The following CRPPA variants were observed in gnomAD, a reference collection of about 807,000 sequenced individuals.
The protein encoded by CRPPA is CDP-L-ribitol pyrophosphorylase A.
In CRPPA, 43 loss-of-function variants were observed where a neutral mutation model predicts 52.0. The observed-to-expected ratio is 0.83, with a 90% CI of 0.65 to 1.07. CRPPA has a LOEUF of 1.07. Ranked by LOEUF, CRPPA falls within the 50% of genes least tolerant of loss-of-function variation. The pLI is 0.00. For missense variants in CRPPA, 629 were observed against 551.7 expected, an observed-to-expected ratio of 1.14 and a Z score of -1.40; for synonymous variants, 250 against 203.5, an observed-to-expected ratio of 1.23 and a Z score of -1.94.
intron 9 of CRPPA, among the ~76,000 whole-genome samples, chr7:16,161,306 T>C (rs988590679): frequency 1.3e-5 from 2 of 152,234 alleles, no homozygotes; most frequent in Admixed American, 1.3e-4. Flanking sequence ...TTCAGTATGA[T>C]ATTGGCTATG....
chr7:16,396,352 CAA>C (rs1307868224), intron 2 of CRPPA, among the ~76,000 whole-genome samples: 1 of 152,066 alleles, frequency 6.6e-6, no homozygotes, highest in African/African-American at 2.4e-5. Flanking sequence ...AAATGCAAAT[CAA>C]AACCACAATA....
At chr7:16,206,715 A>G (rs1781981408) in intron 9 of CRPPA, among the ~76,000 whole-genome samples, 1 of 152,170 alleles carries the variant, frequency 6.6e-6, no homozygotes, top group African/African-American at 2.4e-5. Context: ...TACAGTGATT[A>G]CAAACATACA....
At chr7:16,326,026 T>A in intron 3 of CRPPA, among the ~76,000 whole-genome samples, 1 of 144,336 alleles carries the variant, frequency 6.9e-6, no homozygotes, top group Non-Finnish European at 1.5e-5. Flanking sequence ...TAGAATGTTT[T>A]AACATATGTA....
intron 3 of CRPPA, among the ~76,000 whole-genome samples, chr7:16,351,815 G>T (rs944198107): frequency 2.0e-5 from 3 of 152,132 alleles, no homozygotes; most frequent in Non-Finnish European, 1.5e-5. Context: ...ATTGTTGGAG[G>T]GTGTGTAAAT....
chr7:16,384,401 C>G (rs1273240094), intron 2 of CRPPA, among the ~76,000 whole-genome samples: 1 of 152,188 alleles, frequency 6.6e-6, no homozygotes, highest in African/African-American at 2.4e-5. Flanking sequence ...CACGGGAAAA[C>G]AAAGCCAACA....
At chr7:16,257,027 A>G (rs1441401701) in intron 8 of CRPPA, among the ~76,000 whole-genome samples, 1 of 152,124 alleles carries the variant, frequency 6.6e-6, no homozygotes, top group Non-Finnish European at 1.5e-5. Flanking sequence ...ACTATTAAAC[A>G]GAACTAACTT....
chr7:16,185,219 CAAGAG>C (rs1479080712), intron 9 of CRPPA, among the ~76,000 whole-genome samples: 1 of 152,166 alleles, frequency 6.6e-6, no homozygotes, highest in Non-Finnish European at 1.5e-5. Context: ...TGGCAGCAGA[CAAGAG>C]AAGAGAGCTT....
intron 3 of CRPPA, among the ~76,000 whole-genome samples, chr7:16,350,453 T>C (rs1786119147): frequency 3.3e-5 from 5 of 152,052 alleles, no homozygotes; most frequent in Admixed American, 2.6e-4. Context: ...GGACTACAAA[T>C]ATTAAAAAAT....
chr7:16,162,920 A>G (rs1157190343), intron 9 of CRPPA, among the ~76,000 whole-genome samples: 1 of 143,896 alleles, frequency 6.9e-6, no homozygotes, highest in African/African-American at 2.6e-5. Context: ...TGATCCCTTT[A>G]CCATTAGGTA....
intron 2 of CRPPA, among the ~76,000 whole-genome samples, chr7:16,397,031 C>A (rs114589356): frequency 0.016 from 2,395 of 152,070 alleles, 57 homozygotes; most frequent in African/African-American, 0.049. Context: ...TGTGCCAGAA[C>A]AAATGTGTAA....
intron 2 of CRPPA, among the ~76,000 whole-genome samples, chr7:16,405,052 C>T (rs577253874): frequency 4.0e-5 from 6 of 151,694 alleles, no homozygotes; most frequent in Admixed American, 6.6e-5. Flanking sequence ...AATTCAAATA[C>T]ACATGGGTTA....
At chr7:16,197,244 A>G (rs1240834350) in intron 9 of CRPPA, among the ~76,000 whole-genome samples, 2 of 152,224 alleles carry the variant, frequency 1.3e-5, no homozygotes, top group Non-Finnish European at 2.9e-5. Flanking sequence ...GTACAAGTAT[A>G]TGTGATTTAA....
At chr7:16,320,044 C>A (rs1785225081) in intron 3 of CRPPA, among the ~76,000 whole-genome samples, 1 of 152,164 alleles carries the variant, frequency 6.6e-6, no homozygotes, top group Non-Finnish European at 1.5e-5. Context: ...CAAGCTGCAT[C>A]TGTTAGTACT....
chr7:16,286,069 ATATAT>A (rs1784434691), intron 5 of CRPPA, among the ~76,000 whole-genome samples: 14 of 31,784 alleles, frequency 4.4e-4, no homozygotes, highest in Non-Finnish European at 8.1e-4. Context: ...ATATATATAT[ATATAT>A]ATATATAATA....
intron 9 of CRPPA, among the ~76,000 whole-genome samples, chr7:16,145,124 T>C (rs2128377064): frequency 6.6e-6 from 1 of 152,298 alleles, no homozygotes; most frequent in South Asian, 2.1e-4. Context: ...TGAAGCAGCA[T>C]AGTGACCTAG....
intron 9 of CRPPA, among the ~76,000 whole-genome samples, chr7:16,153,408 T>TA: frequency 6.6e-6 from 1 of 152,204 alleles, no homozygotes; most frequent in Non-Finnish European, 1.5e-5. Context: ...GAATATATGA[T>TA]AGAGTATCAG....
chr7:16,224,183 G>A (rs1216224460), intron 8 of CRPPA, among the ~76,000 whole-genome samples: 2 of 152,086 alleles, frequency 1.3e-5, no homozygotes, highest in African/African-American at 4.8e-5. Flanking sequence ...TGCATTTTGT[G>A]TCTTTACACT....
At position 16,162,614 on chromosome 7, in the gene CRPPA, G is replaced by C. The variant is rs141886995; in HGVS notation, c.1251+53452C>G. The stretch of plus-strand genomic sequence containing the variant: ...ACTTCCAATTATGTGGTCAATTTTA[G>C]AATACGTGTGATGTGGTGCTGAGAA... On this transcript the variant is annotated intron_variant, in intron 9 of 9. Coordinates refer to ENST00000407010, the MANE Select transcript of CRPPA (RefSeq NM_001101426.4). Among the ~76,000 whole-genome samples the C allele has an allele frequency of 3.0e-3, 452 of 152,294 alleles. 4 individuals are homozygous for C. Among genetic ancestry groups the C allele is most frequent in the African/African-American group, 0.01 (434 of 41,562 alleles).
At chr7:16,368,140 TG>T (rs2128310661) in intron 3 of CRPPA, among the ~76,000 whole-genome samples, 1 of 152,334 alleles carries the variant, frequency 6.6e-6, no homozygotes, top group South Asian at 2.1e-4. Flanking sequence ...AAAGCTTCTT[TG>T]TATAATAATT....
Sources: gnomAD v4.1 joint callset for allele counts (sites outside exome capture counted in the v4.1 genomes callset) on GRCh38, gnomAD v4.1.1 for gene constraint, MANE v1.5 for transcripts, NCBI Gene and HGNC (gene_info 2026-07-23, HGNC 2026-07-21) for gene names.